The following PI4KA variants were observed in gnomAD, a reference collection of about 807,000 sequenced individuals.
The protein encoded by PI4KA is phosphatidylinositol 4-kinase alpha, also known as PI4-kinase alpha.
In PI4KA, 122 loss-of-function variants were observed where a neutral mutation model predicts 271.4. The ratio of observed to expected loss-of-function variants is 0.45; its 90% confidence interval spans 0.39 to 0.52. The LOEUF (loss-of-function observed/expected upper bound fraction) is 0.52, where lower values mean the gene tolerates loss of function less well. Ranked by LOEUF, PI4KA falls within the 20% of genes least tolerant of loss-of-function variation. The probability of loss-of-function intolerance (pLI) is 0.00; values close to 1 mark genes in which losing one functional copy is unlikely to be tolerated. For missense variants in PI4KA, 1,969 were observed against 2,769.1 expected (o/e 0.71, Z 6.48); for synonymous variants, 1,041 against 1,078.8 (o/e 0.96, Z 0.69).
chr22:20,730,218 G>T (rs559440361), intron 36 of PI4KA, among the ~76,000 whole-genome samples: 19 of 152,220 alleles, frequency 1.2e-4, no homozygotes, highest in Admixed American at 1.2e-3. Context: ...ATTCTAGATG[G>T]AATGTTTAAA....
intron 27 of PI4KA, 100 bp from the exon 28 acceptor site, chr22:20,750,094 T>A (rs1296173278): frequency 1.3e-6 from 1 of 757,740 alleles, no homozygotes. Flanking sequence ...CAAATCCCTA[T>A]GCTGCGCCTT....
chr22:20,745,009 T>A (rs2072513), intron 29 of PI4KA, among the ~76,000 whole-genome samples: 1 of 152,096 alleles, frequency 6.6e-6, no homozygotes, highest in African/African-American at 2.4e-5. Flanking sequence ...CAATGTCACC[T>A]GTGATGGAAA....
chr22:20,712,955 C>T (rs1420170388), intron 48 of PI4KA, 158 bp from the exon 49 acceptor site: 3 of 712,294 alleles, frequency 4.2e-6, no homozygotes, highest in African/African-American at 1.8e-5. Flanking sequence ...TTCTGACCAC[C>T]GGGGGCTGGA....
chr22:20,794,439 C>T (rs992859564), intron 18 of PI4KA, among the ~76,000 whole-genome samples: 1 of 152,196 alleles, frequency 6.6e-6, no homozygotes, highest in East Asian at 1.9e-4. Flanking sequence ...GGACACACTT[C>T]TCTCCTGTGC....
At chr22:20,757,541 G>A (rs1281517415) in intron 23 of PI4KA, among the ~76,000 whole-genome samples, 1 of 151,700 alleles carries the variant, frequency 6.6e-6, no homozygotes, top group Non-Finnish European at 1.5e-5. Context: ...AATCTGCTAG[G>A]TTCTCCTTCC....
chr22:20,729,841 C>T, intron 37 of PI4KA, 51 bp downstream of exon 37: 1 of 1,611,554 alleles, frequency 6.2e-7, no homozygotes, highest in Non-Finnish European at 8.5e-7. Flanking sequence ...CAGCTTGCAA[C>T]TAGAATGATA....
rs767723470 is a variant in PI4KA, at chr22:20,733,809, C to T, written c.4087G>A (p.Asp1363Asn). ...CGGATGGTTGCATTTGGAACCACAT[C>T]GGCATGCAGGAGGGACAGCCCCAGG... is the stretch of plus-strand genomic sequence containing the variant. ...LTLGLSLLHA[D>N]VVPNATIRNV... Residue 1363 changes from aspartate (D) to asparagine (N), a missense_variant, in exon 35 of 55, where the codon GAT becomes AAT. Asp to Asn is a conservative substitution (Grantham distance 23, BLOSUM62 1). Coordinates refer to ENST00000255882, the MANE Select transcript of PI4KA (RefSeq NM_058004.4). 13 of 1,612,396 alleles carry T rather than the reference C, an allele frequency of 8.1e-6. No homozygotes were observed. The highest frequency in any genetic ancestry group is 2.2e-5 in the South Asian group (2 of 90,998).
intron 10 of PI4KA, among the ~76,000 whole-genome samples, chr22:20,806,352 TTG>T (rs1935650055): frequency 6.6e-6 from 1 of 151,908 alleles, no homozygotes; most frequent in Non-Finnish European, 1.5e-5. Context: ...TGCTAAATTG[TTG>T]TGTGTGCATG....
In PI4KA at chr22:20,747,583, C is replaced by A; in HGVS notation, c.3363G>T (p.Gly1121=). 6.2e-7 allele frequency: 1 copy of A among 1,613,946 alleles called. No individual in the cohort carries two copies. The highest frequency in any genetic ancestry group is 8.5e-7 in the Non-Finnish European group (1 of 1,179,940). ...TGCTCTTCAGAAGGCTCGCACATACCCCAAGAGTTGTGTTCTGCTTGTTGT... is the reference window on the plus strand; with the variant it reads ...TGCTCTTCAGAAGGCTCGCACATACACCAAGAGTTGTGTTCTGCTTGTTGT... ...AGYNKQNTTL[G]ATQLSERPAC... Residue 1121 remains glycine (G), a splice_region_variant and synonymous_variant, in exon 29 of 55, where the codon GGG becomes GGT. Transcript: ENST00000255882.
At chr22:20,773,612 T>G (rs1394690284) in intron 19 of PI4KA, among the ~76,000 whole-genome samples, 1 of 152,198 alleles carries the variant, frequency 6.6e-6, no homozygotes, top group East Asian at 1.9e-4. Flanking sequence ...TGTAAGCCAC[T>G]AATTTTGTCC....
chr22:20,854,309 C>T (rs751765016), intron 1 of PI4KA, among the ~76,000 whole-genome samples: 1 of 151,770 alleles, frequency 6.6e-6, no homozygotes, highest in South Asian at 2.1e-4. Flanking sequence ...TTAGTAGAGA[C>T]GGGGTTTCAC....
rs1377956643 is a variant in PI4KA at position 20,858,762 on chromosome 22, G to A, written c.-37C>T. 1 of 1,363,702 alleles carries A rather than the reference G, an allele frequency of 7.3e-7. No individual in the cohort carries two copies. The allele number at this position is 1,363,702 out of a possible 1,614,324, so 84.5% of individuals were successfully genotyped here. ...CCGCGGCGCTGCCCGCCGGCTCCCC[G>A]CTCCTGGCCCGCGAGCGCCCGACCT... On this transcript the variant is annotated 5_prime_UTR_variant, in exon 1 of 55. Coordinates refer to ENST00000255882, the MANE Select transcript of PI4KA (RefSeq NM_058004.4).
chr22:20,757,055 G>A (rs978429812), intron 23 of PI4KA, among the ~76,000 whole-genome samples: 17 of 152,314 alleles, frequency 1.1e-4, no homozygotes, highest in Admixed American at 9.1e-4. Context: ...CTGCCCTCAC[G>A]TTCCTGTGCA....
Position 20,765,686 on chromosome 22 carries a change from C to T in PI4KA, c.2336G>A (p.Arg779Gln), listed in dbSNP as rs756156190. 9 of 1,608,530 alleles carry T rather than the reference C, an allele frequency of 5.6e-6. No homozygotes were observed. Among genetic ancestry groups the T allele is most frequent in the South Asian group, 2.2e-5 (2 of 90,930 alleles). The change falls in exon 20 of 55, where the codon CGA (arginine) becomes CAA (glutamine). Residue 779 changes from arginine (R) to glutamine (Q), a missense_variant. Around this residue, in one of 13 missense-constraint regions of PI4KA, gnomAD observed 368 missense variants for 544.3 expected, o/e 0.68. Coordinates refer to ENST00000255882, the MANE Select transcript of PI4KA (RefSeq NM_058004.4). ...AGCTTCTTTGATGGGTGGCAGTCGTCGGGTGAGCTGATGTGCCAAGAAGAG... is the reference window on the plus strand; with the variant it reads ...AGCTTCTTTGATGGGTGGCAGTCGTTGGGTGAGCTGATGTGCCAAGAAGAG... ...VLIPVIAVLT[R>Q]RLPPIKEAKP...
rs1240553718 is a variant in PI4KA at position 20,783,899 on chromosome 22, A to G, written c.2328+9294T>C. The G allele has an allele frequency of 1.9e-6, 3 of 1,599,138 alleles. No individual in the cohort carries two copies. The Admixed American group carries it at 5.0e-5, about 27-fold the overall frequency. Reference sequence around the variant, plus strand: ...TGAATGAGGCCTCCAGGGAAATCAGATTCACTCTCAAGGGTGAGACGATTT... The same window carrying G: ...TGAATGAGGCCTCCAGGGAAATCAGGTTCACTCTCAAGGGTGAGACGATTT... On this transcript the variant is annotated intron_variant, in intron 19 of 54. Coordinates refer to ENST00000255882, the MANE Select transcript of PI4KA (RefSeq NM_058004.4).
chr22:20,778,227 G>A (rs914147119), intron 19 of PI4KA, among the ~76,000 whole-genome samples: 4 of 150,512 alleles, frequency 2.7e-5, no homozygotes, highest in Admixed American at 1.3e-4. Flanking sequence ...CAGGTCAGGC[G>A]TGGTGGCTTA....
At chr22:20,787,590 CA>C (rs1190351457) in intron 19 of PI4KA, 7 of 181,934 alleles carry the variant, frequency 3.8e-5, no homozygotes, top group Non-Finnish European at 4.7e-5. Flanking sequence ...TTAATTTTCT[CA>C]AAGCCTGACC....
Position 20,753,123 on chromosome 22 carries a change from A to G in PI4KA, c.2849T>C (p.Met950Thr). 1 of 1,614,072 alleles carries G rather than the reference A, an allele frequency of 6.2e-7. No individual in the cohort carries two copies. The highest frequency in any genetic ancestry group is 8.5e-7 in the Non-Finnish European group (1 of 1,179,986). ...ADKVFDAFLN[M>T]MADKAKTKEN... ...GGAGAGGCTTACTTTATCCGCCATC[A>G]TGTTCAGGAAGGCATCGAATACTTT... The change falls in exon 24 of 55, where the codon ATG becomes ACG. Residue 950 changes from methionine (M) to threonine (T), a missense_variant. This residue lies in a region of PI4KA where 368 missense variants were observed against 544.3 expected (regional missense o/e 0.68). Coordinates refer to ENST00000255882, the MANE Select transcript of PI4KA (RefSeq NM_058004.4).
At chr22:20,710,422 C>T in intron 52 of PI4KA, 1 of 557,778 alleles carries the variant, frequency 1.8e-6, no homozygotes, top group South Asian at 2.1e-5. Context: ...GGTGCTCAGG[C>T]TTTGGTGACA....
Sources: allele counts gnomAD v4.1 joint callset (sites outside exome capture counted in the v4.1 genomes callset), GRCh38; gene constraint gnomAD v4.1.1; regional missense constraint gnomAD v4.1.1; transcripts MANE v1.5; gene names NCBI Gene and HGNC (gene_info 2026-07-23, HGNC 2026-07-21).